DCDC1: variants seen among roughly 807,000 people sequenced by gnomAD.
The protein encoded by DCDC1 is doublecortin domain containing 1.
In DCDC1, 200 loss-of-function variants were observed where a neutral mutation model predicts 178.3. That is an observed-to-expected ratio of 1.12 (90% CI 1.00 to 1.26). DCDC1 has a LOEUF of 1.26. Among genes scored for constraint, DCDC1 ranks in the 50% most tolerant of loss-of-function variants. The probability of loss-of-function intolerance (pLI) is 0.00; values close to 1 mark genes in which losing one functional copy is unlikely to be tolerated. For missense variants in DCDC1, 1,983 were observed against 1,749.2 expected, an observed-to-expected ratio of 1.13 and a Z score of -2.38; for synonymous variants, 690 against 604.8, an observed-to-expected ratio of 1.14 and a Z score of -2.07.
Position 31,065,073 on chromosome 11 carries a change from G to A in DCDC1, c.2379C>T (p.His793=), listed in dbSNP as rs752622488. ...VDVTQTEYHI[H]HGAWTTAHQE... is the part of the protein sequence containing the mutation. ...GATGAGCTGTGGTCCAGGCACCATG[G>A]TGAATGTGATACTCTGTCTGGGTCA... is the stretch of plus-strand genomic sequence containing the variant. The change falls in exon 19 of 39, where the codon CAC becomes CAT. Residue 793 remains histidine (H), a synonymous_variant. Coordinates refer to ENST00000684477, the MANE Select transcript of DCDC1 (RefSeq NM_001387274.1). 2.6e-6 allele frequency: 2 copies of A among 765,384 alleles called. No individual in the cohort carries two copies. The highest frequency in any genetic ancestry group is 4.8e-6 in the Non-Finnish European group (2 of 417,466). The allele number at this position is 765,384 out of a possible 1,614,324, so 47.4% of individuals were successfully genotyped here. A position where few individuals can be genotyped will look rare whatever the true frequency, so the allele number is the denominator to read the frequency against.
intron 38 of DCDC1, among the ~76,000 whole-genome samples, chr11:30,869,236 A>C (rs940651486): frequency 6.6e-6 from 1 of 152,254 alleles, no homozygotes; most frequent in Non-Finnish European, 1.5e-5. Context: ...TAGTCAGTCT[A>C]TACTGTCTTA....
At chr11:30,963,964 G>A (rs561973912) in intron 20 of DCDC1, among the ~76,000 whole-genome samples, 2 of 151,920 alleles carry the variant, frequency 1.3e-5, no homozygotes, top group Admixed American at 6.6e-5. Flanking sequence ...TGCTGTTTTC[G>A]TAAATTCTTG....
At chr11:31,074,958 C>G (rs918323653) in intron 18 of DCDC1, among the ~76,000 whole-genome samples, 1 of 152,086 alleles carries the variant, frequency 6.6e-6, no homozygotes, top group Non-Finnish European at 1.5e-5. Flanking sequence ...TGTTACATGG[C>G]TATATTACAT....
At chr11:30,921,043 G>C in intron 24 of DCDC1, 108 bp from the exon 25 acceptor site, 1 of 1,200,436 alleles carries the variant, frequency 8.3e-7, no homozygotes, top group Admixed American at 2.7e-5. Flanking sequence ...CCATCTATTT[G>C]GTCTATTCAT....
intron 29 of DCDC1, among the ~76,000 whole-genome samples, chr11:30,908,284 G>C (rs956242236): frequency 1.3e-5 from 2 of 152,098 alleles, no homozygotes; most frequent in African/African-American, 2.4e-5. Context: ...AGAAATTATG[G>C]GGGATGGGGA....
chr11:30,931,968 A>G lies in DCDC1; in HGVS notation c.2716-16T>C, dbSNP rs12795068. On this transcript the variant is annotated splice_polypyrimidine_tract_variant and intron_variant, in intron 21 of 38. Transcript: ENST00000684477. ...AATCAAACTCCTTCAGAAAGAAATG[A>G]CAAAAACATAATAATAAATACAGAA... The G allele has an allele frequency of 6.3e-7, 1 of 1,593,172 alleles. No individual in the cohort carries two copies. Among genetic ancestry groups the G allele is most frequent in the Non-Finnish European group, 8.5e-7 (1 of 1,172,212 alleles).
At chr11:31,088,264 A>G (rs1957597087) in intron 17 of DCDC1, among the ~76,000 whole-genome samples, 2 of 152,022 alleles carry the variant, frequency 1.3e-5, no homozygotes, top group African/African-American at 4.8e-5. Flanking sequence ...ATCTAATCTA[A>G]TAATGTCTGA....
intron 20 of DCDC1, among the ~76,000 whole-genome samples, chr11:30,972,072 A>G (rs1358626018): frequency 6.6e-6 from 1 of 152,224 alleles, no homozygotes; most frequent in Non-Finnish European, 1.5e-5. Flanking sequence ...GAATGAAATA[A>G]TAACTGAAAC....
At chr11:30,903,456 G>A in intron 32 of DCDC1, 26 bp downstream of exon 32, 2 of 1,548,008 alleles carry the variant, frequency 1.3e-6, no homozygotes, top group Non-Finnish European at 8.7e-7. Flanking sequence ...AGTAGAATCA[G>A]CTAAATGCTG....
intron 8 of DCDC1, among the ~76,000 whole-genome samples, chr11:31,253,548 T>C (rs946748038): frequency 2.0e-5 from 3 of 152,086 alleles, no homozygotes; most frequent in Admixed American, 6.6e-5. Context: ...TTATGGTTTA[T>C]GATACAGAAA....
chr11:30,946,472 TC>T (rs1447519241), intron 21 of DCDC1, among the ~76,000 whole-genome samples: 1 of 152,216 alleles, frequency 6.6e-6, no homozygotes, highest in African/African-American at 2.4e-5. Flanking sequence ...TTTGAATAAC[TC>T]TTTTTTTCTT....
In DCDC1 at chr11:30,904,946, G is replaced by A. The variant is rs2134135496; in HGVS notation, c.4308+15C>T. The A allele has an allele frequency of 6.2e-7, 1 of 1,613,594 alleles. No individual in the cohort carries two copies. The highest frequency in any genetic ancestry group is 2.2e-5 in the East Asian group (1 of 44,874). On this transcript the variant is annotated intron_variant, in intron 31 of 38. Coordinates refer to ENST00000684477, the MANE Select transcript of DCDC1 (RefSeq NM_001387274.1). ...CTCTGAAGATGCAAGCAGCATTTAA[G>A]TGATAGCCACTTACCATGGGGAATG...
chr11:31,217,110 G>A (rs929655936), intron 9 of DCDC1, among the ~76,000 whole-genome samples: 6 of 152,130 alleles, frequency 3.9e-5, no homozygotes, highest in African/African-American at 1.2e-4. Context: ...CTACAACAGG[G>A]AGAGGGAGAT....
At chr11:30,932,135 T>G (rs1162441608) in intron 21 of DCDC1, among the ~76,000 whole-genome samples, 183 bp from the exon 22 acceptor site, 1 of 152,164 alleles carries the variant, frequency 6.6e-6, no homozygotes, top group African/African-American at 2.4e-5. Context: ...GAAAGATAAT[T>G]ATTTTTAAAA....
At chr11:31,127,415 G>A (rs565806733) in intron 11 of DCDC1, 54 bp downstream of exon 11, 5 of 661,652 alleles carry the variant, frequency 7.6e-6, no homozygotes, top group Non-Finnish European at 1.4e-5. Context: ...TTCAAATGGA[G>A]CAGAATGCTT....
At chr11:31,044,639 T>A (rs941486595) in intron 20 of DCDC1, among the ~76,000 whole-genome samples, 1 of 152,042 alleles carries the variant, frequency 6.6e-6, no homozygotes, top group Non-Finnish European at 1.5e-5. Context: ...GTCTTATAAC[T>A]ACGAACAATT....
At chr11:31,209,429 G>A (rs1972243317) in intron 9 of DCDC1, among the ~76,000 whole-genome samples, 2 of 152,224 alleles carry the variant, frequency 1.3e-5, no homozygotes, top group Non-Finnish European at 2.9e-5. Context: ...CAATTAAATA[G>A]TGTCAAATAT....
intron 1 of DCDC1, among the ~76,000 whole-genome samples, chr11:31,354,008 C>T (rs1951202797): frequency 6.6e-6 from 1 of 152,138 alleles, no homozygotes; most frequent in African/African-American, 2.4e-5. Flanking sequence ...GAGTCAAAGG[C>T]CAGGCGCGGT....
At position 31,322,650 on chromosome 11, in the gene DCDC1, G is replaced by A. The variant is rs900988967; in HGVS notation, c.164+5467C>T. On this transcript the variant is annotated intron_variant, in intron 3 of 38. Coordinates refer to ENST00000684477, the MANE Select transcript of DCDC1 (RefSeq NM_001387274.1). ...GGACATTGTTGAGTGAACATGTGATGAGCCATCTTGCAAGCAGGAGGGGTC... is the reference window on the plus strand; with the variant it reads ...GGACATTGTTGAGTGAACATGTGATAAGCCATCTTGCAAGCAGGAGGGGTC... 2.0e-5 allele frequency among the ~76,000 whole-genome samples: 3 copies of A among 152,300 alleles called. No individual in the cohort carries two copies. In the East Asian group the frequency reaches 5.8e-4, roughly 29 times the overall value.
Sources: allele counts gnomAD v4.1 joint callset (sites outside exome capture counted in the v4.1 genomes callset), GRCh38; gene constraint gnomAD v4.1.1; transcripts MANE v1.5; gene names NCBI Gene and HGNC (gene_info 2026-07-23, HGNC 2026-07-21).